INPP5D: variants seen among roughly 807,000 people sequenced by gnomAD.
INPP5D encodes the protein phosphatidylinositol 3,4,5-trisphosphate 5-phosphatase 1.
Under a neutral mutation model 122.9 loss-of-function variants are expected in INPP5D, and 33 were observed. That is an observed-to-expected ratio of 0.27 (90% CI 0.20 to 0.36). The LOEUF is 0.36. INPP5D is among the 10% of genes least tolerant of loss of function. The pLI is 1.00. For missense variants in INPP5D, 1,053 were observed against 1,412.7 expected (o/e 0.75, Z 4.08); for synonymous variants, 584 against 576.2 (o/e 1.01, Z -0.19).
At position 233,188,351 on chromosome 2, in the gene INPP5D, G is replaced by A. The variant is rs1468632951; in HGVS notation, c.2359-1499G>A. Among the ~76,000 whole-genome samples, 4 of 151,976 alleles carry A rather than the reference G, an allele frequency of 2.6e-5. No individual in the cohort carries two copies. Among genetic ancestry groups the A allele is most frequent in the African/African-American group, 9.7e-5 (4 of 41,338 alleles). On this transcript the variant is annotated intron_variant, in intron 21 of 26. Coordinates refer to ENST00000445964, the MANE Select transcript of INPP5D (RefSeq NM_001017915.3). The surrounding 1 kb of genome is among the most constrained non-coding windows in gnomAD (Gnocchi z 4.7). ...CACCGCCTGCCAGGGTGGTGGTGTCGCACAGAGACATTTGTTGTTCAGATG... is the reference window on the plus strand; with the variant it reads ...CACCGCCTGCCAGGGTGGTGGTGTCACACAGAGACATTTGTTGTTCAGATG...
In INPP5D at chr2:233,193,829, C is replaced by T. The variant is rs753510963; in HGVS notation, c.2464C>T (p.Leu822Phe). The T allele has an allele frequency of 6.2e-7, 1 of 1,613,954 alleles. No individual in the cohort carries two copies. Among genetic ancestry groups the T allele is most frequent in the Admixed American group, 1.7e-5 (1 of 60,014 alleles). Residue 822 changes from leucine to phenylalanine, a missense_variant, in exon 23 of 27, where the codon CTT becomes TTT. Coordinates refer to ENST00000445964, the MANE Select transcript of INPP5D (RefSeq NM_001017915.3). ...DESYGEGCIA[L>F]RLEATETQLP... ...CCCTGCAGGCGAGGGCTGCATTGCC[C>T]TTCGGTTAGAGGCCACAGAAACGCA...
Position 233,189,928 on chromosome 2 carries a change from G to A in INPP5D, c.2437G>A (p.Glu813Lys). 6.2e-7 allele frequency: 1 copy of A among 1,613,388 alleles called. No individual in the cohort carries two copies. Among genetic ancestry groups the A allele is most frequent in the Non-Finnish European group, 8.5e-7 (1 of 1,179,614 alleles). The change falls in exon 22 of 27, where the codon GAA (glutamate) becomes AAA (lysine). Residue 813 changes from glutamate to lysine, a missense_variant. This residue lies in a region of INPP5D where 258 missense variants were observed against 439.1 expected (regional missense o/e 0.59). Transcript: ENST00000445964. The surrounding 1 kb of genome is among the most constrained non-coding windows in gnomAD (Gnocchi z 5.6). ...LISIKSSDSD[E>K]SYGEGCIALR... The stretch of plus-strand genomic sequence containing the variant: ...CAGCATCAAGTCCTCTGACAGCGAC[G>A]AATCCTATGGTAAGGGTCTGTGGGC...
chr2:233,194,322 G>A (rs917565056), intron 23 of INPP5D, among the ~76,000 whole-genome samples: 5 of 152,086 alleles, frequency 3.3e-5, no homozygotes, highest in African/African-American at 9.7e-5. Context: ...CAGGCTGTCC[G>A]GGGAAGGCCA....
At chr2:233,190,804 G>A (rs1330555800) in intron 22 of INPP5D, among the ~76,000 whole-genome samples, 1 of 152,222 alleles carries the variant, frequency 6.6e-6, no homozygotes, top group East Asian at 1.9e-4. Flanking sequence ...GCCAGGCCAA[G>A]CCTCTCCTTA....
intron 2 of INPP5D, among the ~76,000 whole-genome samples, chr2:233,097,626 T>C (rs1195006733): frequency 6.6e-6 from 1 of 152,192 alleles, no homozygotes; most frequent in Non-Finnish European, 1.5e-5. Flanking sequence ...TTAGGTTTTG[T>C]GGGTATCTAG....
In INPP5D at chr2:233,128,997, C is replaced by G. The variant is rs1333647784; in HGVS notation, c.525-1511C>G. ...CCTGGCCAACATGGTAAAACTCCAC[C>G]TCTACTAAAAATACAAACATTAGCT... On this transcript the variant is annotated intron_variant, in intron 4 of 26. Transcript: ENST00000445964. The surrounding 1 kb of genome is among the most constrained non-coding windows in gnomAD (Gnocchi z 4.5). Among the ~76,000 whole-genome samples the G allele has an allele frequency of 6.6e-6, 1 of 152,062 alleles. No homozygotes were observed. The highest frequency in any genetic ancestry group is 1.5e-5 in the Non-Finnish European group (1 of 68,028).
intron 14 of INPP5D, 170 bp downstream of exon 14, chr2:233,169,571 A>G (rs961826104): frequency 9.7e-7 from 1 of 1,027,384 alleles, no homozygotes; most frequent in African/African-American, 1.6e-5. Context: ...GCAGCACCAT[A>G]GTGACCTCAC....
intron 11 of INPP5D, among the ~76,000 whole-genome samples, chr2:233,162,531 A>G (rs901407358): frequency 5.3e-5 from 8 of 151,836 alleles, no homozygotes; most frequent in African/African-American, 1.7e-4. Flanking sequence ...TACTAAACAC[A>G]TGCACTCTAC....
intron 9 of INPP5D, among the ~76,000 whole-genome samples, chr2:233,157,257 A>G (rs1054562818): frequency 3.3e-5 from 5 of 152,216 alleles, no homozygotes; most frequent in African/African-American, 1.2e-4. Flanking sequence ...AGAGAAACGT[A>G]TTCCTGGATT....
intron 13 of INPP5D, among the ~76,000 whole-genome samples, chr2:233,167,405 CTTA>C (rs75696931): frequency 0.059 from 8,965 of 151,984 alleles, 613 homozygotes; most frequent in Admixed American, 0.19. Flanking sequence ...GGCAGGGACT[CTTA>C]TTATTCCCAT....
chr2:233,125,521 G>T (rs1693130208), intron 3 of INPP5D, among the ~76,000 whole-genome samples: 1 of 152,192 alleles, frequency 6.6e-6, no homozygotes, highest in Non-Finnish European at 1.5e-5. Flanking sequence ...AAGGCCTTTT[G>T]GCCCTGGCAG....
At chr2:233,201,195 A>T (rs1695331049) in intron 25 of INPP5D, among the ~76,000 whole-genome samples, 2 of 152,150 alleles carry the variant, frequency 1.3e-5, no homozygotes, top group African/African-American at 4.8e-5. Flanking sequence ...AAATATGAGG[A>T]CAAAAGGCAC....
At chr2:233,065,321 T>TG (rs1691182747) in intron 1 of INPP5D, among the ~76,000 whole-genome samples, 1 of 149,348 alleles carries the variant, frequency 6.7e-6, no homozygotes, top group Non-Finnish European at 1.5e-5. Flanking sequence ...TTTTTTTTTT[T>TG]TTTTTTGACA....
At chr2:233,090,958 C>G (rs1404405692) in intron 2 of INPP5D, among the ~76,000 whole-genome samples, 1 of 127,844 alleles carries the variant, frequency 7.8e-6, no homozygotes, top group Non-Finnish European at 1.7e-5. Context: ...AATTCCGTCT[C>G]AAAGAAAAAA....
intron 5 of INPP5D, among the ~76,000 whole-genome samples, chr2:233,136,464 G>A (rs994409007): frequency 3.4e-5 from 5 of 145,112 alleles, no homozygotes; most frequent in African/African-American, 1.3e-4. Context: ...GGATGACAGA[G>A]CGAGACCGCG....
In INPP5D at chr2:233,198,253, C is replaced by T. The variant is rs1268007989; in HGVS notation, c.2852C>T (p.Ser951Phe). Reference sequence around the variant, plus strand: ...AGCTACGACCAGCCGCCCAAGGACTCCCCGCTGGGGCCCTGCAGGGGAGAA... The same window carrying T: ...AGCTACGACCAGCCGCCCAAGGACTTCCCGCTGGGGCCCTGCAGGGGAGAA... ...AWSYDQPPKD[S>F]PLGPCRGESP... The change falls in exon 25 of 27, where the codon TCC (serine) becomes TTC (phenylalanine). Residue 951 changes from serine (S) to phenylalanine (F), a missense_variant. Around this residue, in one of 6 missense-constraint regions of INPP5D, gnomAD observed 417 missense variants for 425.8 expected, o/e 0.98. Transcript: ENST00000445964. 6.2e-7 allele frequency: 1 copy of T among 1,613,542 alleles called. No individual in the cohort carries two copies. Among genetic ancestry groups the T allele is most frequent in the Non-Finnish European group, 8.5e-7 (1 of 1,179,908 alleles).
At chr2:233,162,644 A>T (rs988800204) in intron 11 of INPP5D, among the ~76,000 whole-genome samples, 4 of 152,232 alleles carry the variant, frequency 2.6e-5, no homozygotes, top group Non-Finnish European at 5.9e-5. Flanking sequence ...CTACCAGTTT[A>T]TCTGAAATTG....
At chr2:233,066,511 T>C (rs1337703209) in intron 1 of INPP5D, among the ~76,000 whole-genome samples, 1 of 152,232 alleles carries the variant, frequency 6.6e-6, no homozygotes. Context: ...ACAGGTGGAA[T>C]GAGGATGACA....
intron 4 of INPP5D, among the ~76,000 whole-genome samples, chr2:233,127,156 G>C (rs188309338): frequency 6.6e-6 from 1 of 152,194 alleles, no homozygotes; most frequent in Non-Finnish European, 1.5e-5. Flanking sequence ...CAGCAGGGGC[G>C]TGAAGCCGAG....
Sources: gnomAD v4.1 joint callset for allele counts (sites outside exome capture counted in the v4.1 genomes callset) on GRCh38, gnomAD v4.1.1 for gene constraint, gnomAD v4.1.1 regional missense constraint, Gnocchi (gnomAD v3.1) non-coding constraint, MANE v1.5 for transcripts, NCBI Gene and HGNC (gene_info 2026-07-23, HGNC 2026-07-21) for gene names.